Variants in DNM3 observed in about 807,000 individuals in gnomAD.
The protein encoded by DNM3 is dynamin 3.
In DNM3, 47 loss-of-function variants were observed where a neutral mutation model predicts 101.6. That is an observed-to-expected ratio of 0.46 (90% confidence interval 0.37 to 0.59). The LOEUF is 0.59. Among genes scored for constraint, DNM3 ranks in the 20% least tolerant of loss-of-function variants. DNM3 has a pLI of 0.00. For missense variants in DNM3, 849 were observed against 1,085.7 expected (o/e 0.78, Z 3.06); for synonymous variants, 385 against 387.9 (o/e 0.99, Z 0.09).
rs182867400 is a variant in DNM3 at position 172,304,101 on chromosome 1, C to T, written c.1770-4627C>T. Reference sequence around the variant, plus strand: ...CAGACTGGCAAATTGGATAAAGAATCAAGACCCATCAGTGTGCTGTATTCA... The same window carrying T: ...CAGACTGGCAAATTGGATAAAGAATTAAGACCCATCAGTGTGCTGTATTCA... On this transcript the variant is annotated intron_variant, in intron 15 of 20. Coordinates refer to ENST00000627582, the MANE Select transcript of DNM3 (RefSeq NM_015569.5). 6.0e-5 allele frequency among the ~76,000 whole-genome samples: 9 copies of T among 150,760 alleles called. No homozygotes were observed. In the East Asian group the frequency reaches 1.4e-3, roughly 23 times the overall value.
Position 172,192,729 on chromosome 1 carries a change from G to A in DNM3, c.1660-60844G>A, listed in dbSNP as rs537695954. ...ACTCATCATTTTTTATGGCTGCATA[G>A]TATTCCATGGTGTGTATGTGCCACA... On this transcript the variant is annotated intron_variant, in intron 14 of 20. Coordinates refer to ENST00000627582, the MANE Select transcript of DNM3 (RefSeq NM_015569.5). 2.0e-5 allele frequency among the ~76,000 whole-genome samples: 3 copies of A among 151,956 alleles called. No homozygotes were observed. In the East Asian group the frequency reaches 5.8e-4, roughly 29 times the overall value.
intron 20 of DNM3, among the ~76,000 whole-genome samples, chr1:172,403,455 AG>A (rs1292693622): frequency 1.3e-5 from 2 of 152,164 alleles, no homozygotes; most frequent in East Asian, 3.8e-4. Context: ...AATCCAAAGA[AG>A]AGCAGATGAA....
intron 1 of DNM3, among the ~76,000 whole-genome samples, chr1:171,894,193 A>G (rs2037554032): frequency 6.6e-6 from 1 of 150,688 alleles, no homozygotes; most frequent in African/African-American, 2.4e-5. Context: ...CCTGATCTCA[A>G]GTGACCCGCC....
intron 15 of DNM3, among the ~76,000 whole-genome samples, chr1:172,257,028 T>C (rs1258098543): frequency 6.6e-6 from 1 of 152,036 alleles, no homozygotes; most frequent in African/African-American, 2.4e-5. Flanking sequence ...GTCTAGTACA[T>C]GATGTTAATA....
intron 14 of DNM3, among the ~76,000 whole-genome samples, chr1:172,207,431 T>C (rs1348644529): frequency 6.6e-6 from 1 of 152,082 alleles, no homozygotes; most frequent in Non-Finnish European, 1.5e-5. Context: ...CATGGGAACT[T>C]AATTGAATAT....
intron 14 of DNM3, among the ~76,000 whole-genome samples, chr1:172,203,335 T>A (rs2060216055): frequency 6.6e-6 from 1 of 152,174 alleles, no homozygotes. Context: ...TTCATTGATG[T>A]GTTCCGCCTC....
intron 1 of DNM3, among the ~76,000 whole-genome samples, chr1:171,893,276 T>G (rs2037459111): frequency 6.6e-6 from 1 of 152,090 alleles, no homozygotes; most frequent in South Asian, 2.1e-4. Context: ...GTTTCATAGG[T>G]TTTGACAATG....
chr1:172,307,988 T>C (rs1302763338), intron 15 of DNM3, among the ~76,000 whole-genome samples: 1 of 152,068 alleles, frequency 6.6e-6, no homozygotes, highest in Admixed American at 6.5e-5. Flanking sequence ...ACCTGCACGC[T>C]GTGCACATGT....
intron 13 of DNM3, among the ~76,000 whole-genome samples, chr1:172,112,379 G>A (rs1002293903): frequency 1.3e-4 from 20 of 152,152 alleles, no homozygotes; most frequent in African/African-American, 4.1e-4. Flanking sequence ...CACCAGAGCT[G>A]GGGCTCACAA....
intron 10 of DNM3, among the ~76,000 whole-genome samples, chr1:172,058,890 A>T (rs1243422538): frequency 6.6e-6 from 1 of 152,220 alleles, no homozygotes; most frequent in African/African-American, 2.4e-5. Flanking sequence ...CCCTTAAAAA[A>T]TTAATGAATC....
At chr1:171,890,463 G>T (rs932870339) in intron 1 of DNM3, among the ~76,000 whole-genome samples, 1 of 152,122 alleles carries the variant, frequency 6.6e-6, no homozygotes, top group African/African-American at 2.4e-5. Context: ...GTGTAAAACT[G>T]ACTTTAAAAT....
rs145625023 is a variant in DNM3 at position 172,168,565 on chromosome 1, CTGGCT to C, written c.1659+37280_1659+37284del. On this transcript the variant is annotated intron_variant, in intron 14 of 20. Transcript: ENST00000627582. ...AATTGCTCATGAGCAACCAAATGCTCTGGCTTGTCTCCACTAAGCAATTGAAGTAT... is the reference window on the plus strand; with the variant it reads ...AATTGCTCATGAGCAACCAAATGCTCTGTCTCCACTAAGCAATTGAAGTAT... Among the ~76,000 whole-genome samples, 6 of 152,098 alleles carry C rather than the reference CTGGCT, an allele frequency of 3.9e-5. No homozygotes were observed. The East Asian group carries it at 1.2e-3, about 29-fold the overall frequency.
At chr1:171,870,747 A>C (rs549750545) in intron 1 of DNM3, among the ~76,000 whole-genome samples, 135 of 152,316 alleles carry the variant, frequency 8.9e-4, no homozygotes, top group African/African-American at 3.1e-3. Context: ...CTAGAAAAAT[A>C]AAATAAAATG....
At chr1:172,269,654 C>T (rs2063005617) in intron 15 of DNM3, among the ~76,000 whole-genome samples, 1 of 152,118 alleles carries the variant, frequency 6.6e-6, no homozygotes, top group Admixed American at 6.6e-5. Flanking sequence ...TATTATCTGT[C>T]TTGTTTCAGG....
chr1:172,218,924 C>A lies in DNM3; in HGVS notation c.1660-34649C>A, dbSNP rs116629755. On this transcript the variant is annotated intron_variant, in intron 14 of 20. Transcript: ENST00000627582. ...AGCGGGAGACTTGCTTCTCATCACA[C>A]CTTCTTCAAAACTATGAACTGTTAT... is the stretch of plus-strand genomic sequence containing the variant. Among the ~76,000 whole-genome samples the A allele has an allele frequency of 5.3e-3, 811 of 152,212 alleles. 4 individuals carry two copies. Among genetic ancestry groups the A allele is most frequent in the African/African-American group, 0.019 (786 of 41,558 alleles).
intron 15 of DNM3, among the ~76,000 whole-genome samples, chr1:172,264,588 AT>A (rs2148723943): frequency 6.6e-6 from 1 of 152,252 alleles, no homozygotes; most frequent in Non-Finnish European, 1.5e-5. Context: ...TGTAATTTTT[AT>A]CCCTGTCCTC....
At chr1:172,020,584 A>G (rs1310717631) in intron 4 of DNM3, among the ~76,000 whole-genome samples, 3 of 151,974 alleles carry the variant, frequency 2.0e-5, no homozygotes, top group East Asian at 1.9e-4. Flanking sequence ...TTAGCCGGGC[A>G]TGGTGGCGGG....
At chr1:172,399,157 C>T (rs931852801) in intron 20 of DNM3, among the ~76,000 whole-genome samples, 1 of 152,088 alleles carries the variant, frequency 6.6e-6, no homozygotes, top group African/African-American at 2.4e-5. Context: ...TTACATGGCC[C>T]AGGGGACATA....
chr1:172,406,556 T>A (rs1014418844), intron 20 of DNM3, among the ~76,000 whole-genome samples: 2 of 152,062 alleles, frequency 1.3e-5, no homozygotes, highest in African/African-American at 4.8e-5. Flanking sequence ...ATTCTACTAA[T>A]ATCTATGAGT....
Sources: gnomAD v4.1 joint callset for allele counts (sites outside exome capture counted in the v4.1 genomes callset) on GRCh38, gnomAD v4.1.1 for gene constraint, MANE v1.5 for transcripts, NCBI Gene and HGNC (gene_info 2026-07-23, HGNC 2026-07-21) for gene names.